The following CLINT1 variants were observed in gnomAD, a reference collection of about 807,000 sequenced individuals.
The protein encoded by CLINT1 is clathrin interacting protein localized in the trans-Golgi region.
A neutral mutation model predicts 70.4 loss-of-function variants in CLINT1; 15 were observed. The observed-to-expected ratio is 0.21, with a 90% confidence interval of 0.14 to 0.33. The LOEUF (loss-of-function observed/expected upper bound fraction) is 0.33. Among genes scored for constraint, CLINT1 ranks in the 10% least tolerant of loss-of-function variants. CLINT1 has a pLI of 1.00. For synonymous variants in CLINT1, 227 were observed against 254.7 expected, an observed-to-expected ratio of 0.89 and a Z score of 1.04; for missense variants, 615 against 778.1, an observed-to-expected ratio of 0.79 and a Z score of 2.49.
intron 1 of CLINT1, among the ~76,000 whole-genome samples, chr5:157,831,872 A>G (rs1264286801): frequency 6.6e-6 from 1 of 151,900 alleles, no homozygotes; most frequent in Non-Finnish European, 1.5e-5. Flanking sequence ...TTGTATTTGT[A>G]GTAGAGACGG....
At position 157,786,488 on chromosome 5, in the gene CLINT1, C is replaced by T. The variant is rs1383779627; in HGVS notation, c.*1158G>A. 1.3e-5 allele frequency: 2 copies of T among 152,442 alleles called. No individual in the cohort carries two copies. Among genetic ancestry groups the T allele is most frequent in the African/African-American group, 2.4e-5 (1 of 41,426 alleles). 9.4% of individuals were successfully genotyped at this position (152,442 alleles called of 1,614,324 possible). ...AATTTTGCATTCCAAACTCTAGAAT[C>T]ATGATTTTCATGTGAGCTTAATGCA... is the stretch of plus-strand genomic sequence containing the variant. On this transcript the variant is annotated 3_prime_UTR_variant, in exon 12 of 12. Coordinates refer to ENST00000411809, the MANE Select transcript of CLINT1 (RefSeq NM_014666.4).
chr5:157,837,649 C>T lies in CLINT1; in HGVS notation c.42-20102G>A, dbSNP rs369890192. Among the ~76,000 whole-genome samples the T allele has an allele frequency of 1.3e-3, 185 of 138,540 alleles. 1 individual carries two copies. The highest frequency in any genetic ancestry group is 5.4e-3 in the South Asian group (24 of 4,478). 90.9% of individuals were successfully genotyped at this position (138,540 alleles called of 152,430 possible). A position where few individuals can be genotyped will look rare whatever the true frequency, so the allele number is the denominator to read the frequency against. ...CCAGCAAATTTCTCAAGCTCTTTTA[C>T]TTTTTTTTTTTTTGAGACGGAGTCT... On this transcript the variant is annotated intron_variant, in intron 1 of 11. Coordinates refer to ENST00000411809, the MANE Select transcript of CLINT1 (RefSeq NM_014666.4).
chr5:157,858,010 C>T (rs1018623264), intron 1 of CLINT1, among the ~76,000 whole-genome samples: 1 of 152,194 alleles, frequency 6.6e-6, no homozygotes, highest in Non-Finnish European at 1.5e-5. Context: ...TTATTTCCTG[C>T]TGGCCTAGAA....
chr5:157,857,180 G>A (rs1489611091), intron 1 of CLINT1, among the ~76,000 whole-genome samples: 1 of 150,138 alleles, frequency 6.7e-6, no homozygotes, highest in Non-Finnish European at 1.5e-5. Context: ...CCAGGAGTTG[G>A]AGGGTGCAGT....
chr5:157,801,520 G>C (rs1228161897), intron 8 of CLINT1, among the ~76,000 whole-genome samples: 1 of 150,280 alleles, frequency 6.7e-6, no homozygotes, highest in Non-Finnish European at 1.5e-5. Context: ...AAAAAAAATA[G>C]AGAAAGAAAG....
chr5:157,830,177 G>A (rs1763178630), intron 1 of CLINT1, among the ~76,000 whole-genome samples: 1 of 151,864 alleles, frequency 6.6e-6, no homozygotes, highest in Non-Finnish European at 1.5e-5. Flanking sequence ...CGAACTCCTG[G>A]GCTCAAGTGA....
intron 1 of CLINT1, among the ~76,000 whole-genome samples, chr5:157,840,675 G>T (rs757855565): frequency 4.6e-5 from 7 of 151,656 alleles, no homozygotes; most frequent in Admixed American, 1.3e-4. Context: ...GATGAATGTG[G>T]ATAAAAAGTA....
chr5:157,847,123 T>TA (rs1753409720), intron 1 of CLINT1, among the ~76,000 whole-genome samples: 1 of 152,210 alleles, frequency 6.6e-6, no homozygotes, highest in African/African-American at 2.4e-5. Flanking sequence ...CATAAGGCTG[T>TA]AACTGCCTAG....
At chr5:157,858,192 T>C (rs1175261453) in intron 1 of CLINT1, among the ~76,000 whole-genome samples, 2 of 152,232 alleles carry the variant, frequency 1.3e-5, no homozygotes, top group Non-Finnish European at 2.9e-5. Flanking sequence ...GTTGTTTTTT[T>C]CCTTAAGAGG....
Position 157,786,883 on chromosome 5 carries a change from T to G in CLINT1, c.*763A>C, listed in dbSNP as rs1761743415. ...ATCACTGCAAATTGTAAATAATGAC[T>G]GCTAAAAACAAACAGAAGTTTTTTT... On this transcript the variant is annotated 3_prime_UTR_variant, in exon 12 of 12. Coordinates refer to ENST00000411809, the MANE Select transcript of CLINT1 (RefSeq NM_014666.4). 1 of 152,278 alleles carries G rather than the reference T, an allele frequency of 6.6e-6. No individual in the cohort carries two copies. The highest frequency in any genetic ancestry group is 2.4e-5 in the African/African-American group (1 of 41,462). The allele number at this position is 152,278 out of a possible 1,614,324, so 9.4% of individuals were successfully genotyped here. A position where few individuals can be genotyped will look rare whatever the true frequency, so the allele number is the denominator to read the frequency against.
intron 9 of CLINT1, 86 bp from the exon 10 acceptor site, chr5:157,792,081 G>T: frequency 1.8e-6 from 2 of 1,137,898 alleles, no homozygotes; most frequent in Non-Finnish European, 1.3e-6. Flanking sequence ...ACAAATTAGA[G>T]CTGATCTGAG....
At chr5:157,840,958 C>T (rs1753154116) in intron 1 of CLINT1, among the ~76,000 whole-genome samples, 1 of 152,020 alleles carries the variant, frequency 6.6e-6, no homozygotes, top group South Asian at 2.1e-4. Flanking sequence ...CAAAGTCAAA[C>T]TTCATGAAAA....
At chr5:157,818,040 C>T (rs1420906088) in intron 1 of CLINT1, among the ~76,000 whole-genome samples, 2 of 152,250 alleles carry the variant, frequency 1.3e-5, no homozygotes, top group East Asian at 3.9e-4. Context: ...ATGTTTAGAA[C>T]CACTATAAAC....
chr5:157,813,730 C>A (rs756330852), intron 4 of CLINT1, among the ~76,000 whole-genome samples: 6 of 152,108 alleles, frequency 3.9e-5, no homozygotes, highest in Non-Finnish European at 8.8e-5. Context: ...AAGTGGGGTA[C>A]GCTACAAAAT....
intron 1 of CLINT1, among the ~76,000 whole-genome samples, chr5:157,837,372 C>A (rs1408880953): frequency 6.6e-6 from 1 of 151,578 alleles, no homozygotes; most frequent in African/African-American, 2.4e-5. Context: ...GAGACCCTGT[C>A]CAAAGAAGGC....
At chr5:157,842,542 C>T (rs1646312562) in intron 1 of CLINT1, among the ~76,000 whole-genome samples, 2 of 152,194 alleles carry the variant, frequency 1.3e-5, no homozygotes, top group South Asian at 4.1e-4. Context: ...TGGTAACAGA[C>T]TATTTATGAC....
At chr5:157,789,150 A>C (rs1180045058) in intron 11 of CLINT1, among the ~76,000 whole-genome samples, 1 of 152,176 alleles carries the variant, frequency 6.6e-6, no homozygotes, top group Admixed American at 6.6e-5. Flanking sequence ...CAATACAATA[A>C]ATGTTATCAG....
At chr5:157,814,924 T>C (rs921234730) in intron 3 of CLINT1, among the ~76,000 whole-genome samples, 7 of 150,864 alleles carry the variant, frequency 4.6e-5, no homozygotes, top group African/African-American at 7.3e-5. Context: ...TCTCAGCTAC[T>C]GAGGTGGCTG....
intron 1 of CLINT1, among the ~76,000 whole-genome samples, chr5:157,835,349 A>G (rs1465727242): frequency 6.6e-6 from 1 of 152,152 alleles, no homozygotes; most frequent in Non-Finnish European, 1.5e-5. Context: ...ATTAAAAAAG[A>G]TGTCTTTAAA....
Sources: allele counts gnomAD v4.1 joint callset (sites outside exome capture counted in the v4.1 genomes callset), GRCh38; gene constraint gnomAD v4.1.1; transcripts MANE v1.5; gene names NCBI Gene and HGNC (gene_info 2026-07-23, HGNC 2026-07-21).